The following CSNK1D variants were observed in gnomAD, a reference collection of about 807,000 sequenced individuals.
CSNK1D encodes casein kinase I isoform delta.
In CSNK1D, 16 loss-of-function variants were observed where a neutral mutation model predicts 46.6. The ratio of observed to expected loss-of-function variants is 0.34; its 90% CI spans 0.23 to 0.52. The LOEUF (loss-of-function observed/expected upper bound fraction) is 0.52. Ranked by LOEUF, CSNK1D falls within the 20% of genes least tolerant of loss-of-function variation. The probability of loss-of-function intolerance (pLI) is 0.95; values close to 1 mark genes in which losing one functional copy is unlikely to be tolerated. For synonymous variants in CSNK1D, 276 were observed against 228.2 expected (o/e 1.21, Z -1.89); for missense variants, 398 against 578.4 (o/e 0.69, Z 3.20).
Position 82,251,436 on chromosome 17 carries a change from C to A in CSNK1D, c.828G>T (p.Leu276=). 1.2e-6 allele frequency: 2 copies of A among 1,614,166 alleles called. No individual in the cohort carries two copies. The highest frequency in any genetic ancestry group is 8.5e-7 in the Non-Finnish European group (1 of 1,180,036). ...CATAGGAGAAGCCCTGGCGATGGAA[C>A]AGATTCCGGAAAAGCTGCCGCAGGT... ...YSYLRQLFRN[L]FHRQGFSYDY... Residue 276 remains leucine, a synonymous_variant, in exon 6 of 9, where the codon CTG becomes CTT. Transcript: ENST00000314028. The surrounding 1 kb of genome is among the most constrained non-coding windows in gnomAD (Gnocchi z 4.5).
In CSNK1D at chr17:82,255,453, G is replaced by A. The variant is rs753408118; in HGVS notation, c.312C>T (p.Thr104=). The change falls in exon 3 of 9, where the codon ACC becomes ACT. Residue 104 remains threonine, a synonymous_variant. Coordinates refer to ENST00000314028, the MANE Select transcript of CSNK1D (RefSeq NM_001893.6). This position sits in a 1 kb window ranked among gnomAD's most constrained non-coding sequence, Gnocchi z 5.9. ...CCATTTGGTCAGCAAGCAGCAGGAC[G>A]GTTTTGAGGCTGAATTTCCTGGAGC... ...NFCSRKFSLK[T]VLLLADQMIS... The A allele has an allele frequency of 1.9e-5, 30 of 1,614,006 alleles. No individual in the cohort carries two copies. The highest frequency in any genetic ancestry group is 2.2e-5 in the East Asian group (1 of 44,888).
chr17:82,240,052 T>TC, downstream of CSNK1D: 1 of 1,233,796 alleles, frequency 8.1e-7, no homozygotes, highest in African/African-American at 1.5e-5. Context: ...AGATGCCATG[T>TC]CCCTGCTCCT....
chr17:82,273,721 C>G (rs1034046650), upstream of CSNK1D: 37 of 481,772 alleles, frequency 7.7e-5, no homozygotes, highest in Non-Finnish European at 1.2e-4. This position sits in a 1 kb window ranked among gnomAD's most constrained non-coding sequence, Gnocchi z 5.1. Context: ...CCCCTAGCAA[C>G]CCGGCGGGGC....
At chr17:82,254,657 C>G (rs58473912) in intron 3 of CSNK1D, 2,342 of 34,550 alleles carry the variant, frequency 0.068, 164 homozygotes, top group African/African-American at 0.32. Flanking sequence ...CCGGAGCCTC[C>G]AGAAGCCAGT....
Position 82,249,388 on chromosome 17 carries a change from C to T in CSNK1D, c.1057+43G>A, listed in dbSNP as rs2147163207. The T allele has an allele frequency of 6.5e-7, 1 of 1,530,096 alleles. No individual in the cohort carries two copies. Among genetic ancestry groups the T allele is most frequent in the Non-Finnish European group, 8.8e-7 (1 of 1,141,590 alleles). The allele number at this position is 1,530,096 out of a possible 1,614,324, so 94.8% of individuals were successfully genotyped here. A position where few individuals can be genotyped will look rare whatever the true frequency, so the allele number is the denominator to read the frequency against. ...CCACCAACCCCAAGACACAAGAAGTCACCCCAGAGCCAGCCCCAGAGCGCT... is the reference window on the plus strand; with the variant it reads ...CCACCAACCCCAAGACACAAGAAGTTACCCCAGAGCCAGCCCCAGAGCGCT... On this transcript the variant is annotated intron_variant, in intron 7 of 8. Transcript: ENST00000314028. The surrounding 1 kb of genome is among the most constrained non-coding windows in gnomAD (Gnocchi z 6.7).
intron 2 of CSNK1D, among the ~76,000 whole-genome samples, chr17:82,257,760 G>C (rs931505795): frequency 6.6e-6 from 1 of 152,248 alleles, no homozygotes; most frequent in Admixed American, 6.5e-5. Context: ...GGAGCCTGCA[G>C]AATGTGGAAG....
downstream of CSNK1D, among the ~76,000 whole-genome samples, chr17:82,241,584 G>C (rs1289284304): frequency 6.6e-6 from 1 of 152,256 alleles, no homozygotes; most frequent in South Asian, 2.1e-4. Flanking sequence ...GCAGGAACTG[G>C]AACTTGGGTC....
At chr17:82,272,110 G>C (rs1295139354) in intron 1 of CSNK1D, 2 of 152,308 alleles carry the variant, frequency 1.3e-5, no homozygotes, top group Non-Finnish European at 2.9e-5. Context: ...TCGGGAGGCC[G>C]AACTGGGCGG....
In CSNK1D at chr17:82,248,039, G is replaced by C; in HGVS notation, c.1197+836C>G. 1 of 985,356 alleles carries C rather than the reference G, an allele frequency of 1.0e-6. No homozygotes were observed. The highest frequency in any genetic ancestry group is 1.2e-6 in the Non-Finnish European group (1 of 829,932). The allele number at this position is 985,356 out of a possible 1,614,324, so 61.0% of individuals were successfully genotyped here. Reference sequence around the variant, plus strand: ...GATCCCAACAAACACCTCCCCACAAGCCCAGAGCCAGGCTCCAGGGCATTT... The same window carrying C: ...GATCCCAACAAACACCTCCCCACAACCCCAGAGCCAGGCTCCAGGGCATTT... On this transcript the variant is annotated intron_variant, in intron 8 of 8. Coordinates refer to ENST00000314028, the MANE Select transcript of CSNK1D (RefSeq NM_001893.6). The surrounding 1 kb of genome is among the most constrained non-coding windows in gnomAD (Gnocchi z 4.1).
At chr17:82,269,153 G>T (rs2051554495) in intron 1 of CSNK1D, among the ~76,000 whole-genome samples, 1 of 150,184 alleles carries the variant, frequency 6.7e-6, no homozygotes. Context: ...TAACCAGAGT[G>T]TGGCCCTGTC....
rs149010623 is a variant in CSNK1D, at chr17:82,242,676, A to C, written c.*2105T>G. On this transcript the variant is annotated 3_prime_UTR_variant, in exon 9 of 9. Transcript: ENST00000314028. Reference sequence around the variant, plus strand: ...GGAAAGGGGAGGGAAGAAAGGTAGAAGTCATTATGAATTTATTATTTACAC... The same window carrying C: ...GGAAAGGGGAGGGAAGAAAGGTAGACGTCATTATGAATTTATTATTTACAC... 3 of 985,452 alleles carry C rather than the reference A, an allele frequency of 3.0e-6. No homozygotes were observed. In the Admixed American group the frequency reaches 1.8e-4, roughly 60 times the overall value. 61.0% of individuals were successfully genotyped at this position (985,452 alleles called of 1,614,324 possible). A position where few individuals can be genotyped will look rare whatever the true frequency, so the allele number is the denominator to read the frequency against.
In CSNK1D at chr17:82,243,296, G is replaced by A. The variant is rs1282003732; in HGVS notation, c.*1485C>T. The A allele has an allele frequency of 1.0e-6, 1 of 985,412 alleles. No homozygotes were observed. The highest frequency in any genetic ancestry group is 6.1e-5 in the Admixed American group (1 of 16,268). The allele number at this position is 985,412 out of a possible 1,614,324, so 61.0% of individuals were successfully genotyped here. A position where few individuals can be genotyped will look rare whatever the true frequency, so the allele number is the denominator to read the frequency against. ...AGGTGCACACCTTCGAAGCCCTAGA[G>A]TCCAAAGGGAACATCGTCCATCGTG... On this transcript the variant is annotated 3_prime_UTR_variant, in exon 9 of 9. Transcript: ENST00000314028.
At chr17:82,239,025 A>G (rs1486142598), downstream of CSNK1D, 6 of 1,475,956 alleles carry the variant, frequency 4.1e-6, no homozygotes, top group Non-Finnish European at 5.4e-6. Flanking sequence ...AGAAGCCGGC[A>G]ACGCTTGCTA....
intron 8 of CSNK1D, chr17:82,247,854 GTC>G (rs1422682423): frequency 5.0e-5 from 49 of 985,302 alleles, no homozygotes; most frequent in Non-Finnish European, 5.5e-5. Context: ...ATACAAAAAG[GTC>G]TGTTTCTAGT....
At chr17:82,245,299 G>A (rs759438099) in intron 8 of CSNK1D, 3 of 290,004 alleles carry the variant, frequency 1.0e-5, no homozygotes, top group Admixed American at 4.9e-5. Context: ...GCCGCCGAGC[G>A]CGCGTGGCCG....
chr17:82,256,892 A>C (rs1170977154), intron 2 of CSNK1D, among the ~76,000 whole-genome samples: 2 of 152,210 alleles, frequency 1.3e-5, no homozygotes, highest in African/African-American at 4.8e-5. Context: ...ATGGCAAGAC[A>C]GATTTTTAGT....
rs559643398 is a variant in CSNK1D at position 82,250,536 on chromosome 17, C to T, written c.885+843G>A. On this transcript the variant is annotated intron_variant, in intron 6 of 8. Transcript: ENST00000314028. The surrounding 1 kb of genome is among the most constrained non-coding windows in gnomAD (Gnocchi z 4.6). Reference sequence around the variant, plus strand: ...CTCCCGGCACCTGGGCCCCGAGGCTCGGGCCTGCCTCGCCTGCCATCTCTC... The same window carrying T: ...CTCCCGGCACCTGGGCCCCGAGGCTTGGGCCTGCCTCGCCTGCCATCTCTC... 6.7e-5 allele frequency: 17 copies of T among 254,078 alleles called. No individual in the cohort carries two copies. Among genetic ancestry groups the T allele is most frequent in the South Asian group, 3.0e-4 (8 of 26,948 alleles). The allele number at this position is 254,078 out of a possible 1,614,324, so 15.7% of individuals were successfully genotyped here. A position where few individuals can be genotyped will look rare whatever the true frequency, so the allele number is the denominator to read the frequency against.
intron 1 of CSNK1D, among the ~76,000 whole-genome samples, chr17:82,270,999 GTCTTAA>G (rs1321966326): frequency 2.0e-5 from 3 of 152,338 alleles, no homozygotes; most frequent in East Asian, 3.8e-4. Context: ...ACCAAAATTT[GTCTTAA>G]TCTATCTTTG....
Position 82,273,307 on chromosome 17 carries a change from G to T in CSNK1D, c.75C>A (p.Leu25=). 1 of 1,607,262 alleles carries T rather than the reference G, an allele frequency of 6.2e-7. No homozygotes were observed. The highest frequency in any genetic ancestry group is 8.5e-7 in the Non-Finnish European group (1 of 1,178,382). Residue 25 remains leucine, a splice_region_variant and synonymous_variant, in exon 1 of 9, where the codon CTC becomes CTA. Coordinates refer to ENST00000314028, the MANE Select transcript of CSNK1D (RefSeq NM_001893.6). The surrounding 1 kb of genome is among the most constrained non-coding windows in gnomAD (Gnocchi z 5.1). ...IGSGSFGDIY[L]GTDIAAGEEV... ...CGGGCGGGGGCGGCGGGGCCTCACCGAGATAGATGTCTCCGAAGGAGCCGC... is the reference window on the plus strand; with the variant it reads ...CGGGCGGGGGCGGCGGGGCCTCACCTAGATAGATGTCTCCGAAGGAGCCGC...
Sources: gnomAD v4.1 joint callset for allele counts (sites outside exome capture counted in the v4.1 genomes callset) on GRCh38, gnomAD v4.1.1 for gene constraint, Gnocchi (gnomAD v3.1) non-coding constraint, MANE v1.5 for transcripts, NCBI Gene and HGNC (gene_info 2026-07-23, HGNC 2026-07-21) for gene names.